DOCK1: variants seen among roughly 807,000 people sequenced by gnomAD.
DOCK1 encodes the protein dedicator of cytokinesis 1.
A neutral mutation model predicts 262.7 loss-of-function variants in DOCK1; 138 were observed. The observed-to-expected ratio is 0.53, with a 90% CI of 0.46 to 0.61. The LOEUF (loss-of-function observed/expected upper bound fraction) is 0.61. DOCK1 is among the 20% of genes least tolerant of loss of function. DOCK1 has a pLI of 0.00. For synonymous variants in DOCK1, 866 were observed against 867.4 expected (o/e 1.00, Z 0.03); for missense variants, 1,908 against 2,370.7 (o/e 0.80, Z 4.05).
At chr10:126,980,924 G>C (rs1305463479) in intron 3 of DOCK1, among the ~76,000 whole-genome samples, 1 of 150,892 alleles carries the variant, frequency 6.6e-6, no homozygotes, top group African/African-American at 2.4e-5. Context: ...TATTTTGCTT[G>C]CTCAGAAAGC....
intron 29 of DOCK1, among the ~76,000 whole-genome samples, chr10:127,261,503 G>C (rs2060114488): frequency 7.0e-6 from 1 of 142,796 alleles, no homozygotes; most frequent in Admixed American, 6.9e-5. Flanking sequence ...GTGTGTGCAT[G>C]TGGGTGTGTG....
chr10:127,079,839 G>A (rs1020397280), intron 23 of DOCK1, among the ~76,000 whole-genome samples: 1 of 152,182 alleles, frequency 6.6e-6, no homozygotes, highest in Non-Finnish European at 1.5e-5. Context: ...GCTGAGGCAG[G>A]AGAATTGCTT....
chr10:127,122,015 G>A (rs1208732185), intron 25 of DOCK1, among the ~76,000 whole-genome samples: 1 of 152,196 alleles, frequency 6.6e-6, no homozygotes, highest in African/African-American at 2.4e-5. Flanking sequence ...TTGCATATCA[G>A]CAAGGAGGAA....
chr10:127,222,460 G>A (rs1457746762), intron 27 of DOCK1, among the ~76,000 whole-genome samples: 2 of 152,120 alleles, frequency 1.3e-5, no homozygotes, highest in Non-Finnish European at 2.9e-5. Flanking sequence ...ATTAGTTTTT[G>A]AAATTGTAGT....
intron 35 of DOCK1, among the ~76,000 whole-genome samples, chr10:127,374,474 C>T (rs757479751): frequency 1.3e-5 from 2 of 152,188 alleles, no homozygotes; most frequent in Non-Finnish European, 2.9e-5. Flanking sequence ...CCGTATCTTG[C>T]AGCCAGGGTA....
intron 23 of DOCK1, among the ~76,000 whole-genome samples, chr10:127,075,028 G>C (rs1475892341): frequency 6.6e-6 from 1 of 151,946 alleles, no homozygotes; most frequent in Non-Finnish European, 1.5e-5. Context: ...AATTAGCTGG[G>C]CTTGGTGGTG....
intron 38 of DOCK1, among the ~76,000 whole-genome samples, chr10:127,387,304 C>T (rs548950011): frequency 6.6e-6 from 1 of 152,318 alleles, no homozygotes; most frequent in East Asian, 1.9e-4. Flanking sequence ...TGCTGCACTG[C>T]CTTGAGGACG....
intron 10 of DOCK1, 34 bp from the exon 11 acceptor site, chr10:127,008,698 G>A (rs1456094728): frequency 4.7e-5 from 72 of 1,542,140 alleles, no homozygotes; most frequent in Non-Finnish European, 5.6e-5. Flanking sequence ...TAGCATTTAA[G>A]CCAAAACAAT....
intron 28 of DOCK1, among the ~76,000 whole-genome samples, chr10:127,251,016 A>G (rs896142485): frequency 3.3e-5 from 5 of 151,852 alleles, no homozygotes; most frequent in Admixed American, 6.6e-5. Flanking sequence ...AGGCTGGAGT[A>G]CAATGGTGCA....
chr10:127,302,772 G>A (rs1047519534), intron 29 of DOCK1, among the ~76,000 whole-genome samples: 3 of 151,142 alleles, frequency 2.0e-5, no homozygotes, highest in African/African-American at 7.3e-5. Flanking sequence ...GTGTGTGTGT[G>A]TGTGTGTGTG....
chr10:127,294,170 T>C (rs1393059628), intron 29 of DOCK1, among the ~76,000 whole-genome samples: 1 of 152,204 alleles, frequency 6.6e-6, no homozygotes, highest in African/African-American at 2.4e-5. Flanking sequence ...ACTTGGGGTG[T>C]CCAGTTTAAG....
intron 33 of DOCK1, 56 bp from the exon 34 acceptor site, chr10:127,373,725 C>A (rs2065336071): frequency 6.8e-7 from 1 of 1,473,586 alleles, no homozygotes; most frequent in Non-Finnish European, 9.3e-7. Flanking sequence ...ACACTCAAGT[C>A]ATAAAATGAA....
intron 27 of DOCK1, among the ~76,000 whole-genome samples, chr10:127,180,616 G>A (rs562826372): frequency 4.6e-5 from 7 of 152,236 alleles, no homozygotes; most frequent in Middle Eastern, 3.4e-3. Flanking sequence ...GATTAGTGAC[G>A]GAGAACCATC....
Position 126,998,082 on chromosome 10 carries a change from C to T in DOCK1, c.610-10C>T. The stretch of plus-strand genomic sequence containing the variant: ...GCTGGGGTTGACTTTCTGTTTCCTT[C>T]CATACACAGTCTCAAAAGCAGAACA... On this transcript the variant is annotated splice_polypyrimidine_tract_variant and intron_variant, in intron 7 of 51. Transcript: ENST00000623213. 6.2e-7 allele frequency: 1 copy of T among 1,613,848 alleles called. No individual in the cohort carries two copies. Among genetic ancestry groups the T allele is most frequent in the Non-Finnish European group, 8.5e-7 (1 of 1,179,804 alleles).
intron 29 of DOCK1, among the ~76,000 whole-genome samples, chr10:127,294,986 A>G (rs1239785221): frequency 6.6e-6 from 1 of 152,124 alleles, no homozygotes; most frequent in Non-Finnish European, 1.5e-5. Flanking sequence ...TAGAATTATT[A>G]TGGGGATTCA....
Position 127,106,312 on chromosome 10 carries a change from A to G in DOCK1, c.2516+11A>G, listed in dbSNP as rs2048527332. On this transcript the variant is annotated intron_variant, in intron 24 of 51. Coordinates refer to ENST00000623213, the MANE Select transcript of DOCK1 (RefSeq NM_001290223.2). The stretch of plus-strand genomic sequence containing the variant: ...TCCCAAAGAGCTCAGGTAAGTATGC[A>G]GCCCAGGCGAATGCTTGTCACGTGC... 6.3e-7 allele frequency: 1 copy of G among 1,590,208 alleles called. No individual in the cohort carries two copies. The highest frequency in any genetic ancestry group is 2.3e-5 in the East Asian group (1 of 44,322).
At chr10:127,212,090 G>A (rs1292386487) in intron 27 of DOCK1, among the ~76,000 whole-genome samples, 1 of 152,110 alleles carries the variant, frequency 6.6e-6, no homozygotes, top group Non-Finnish European at 1.5e-5. Flanking sequence ...ATCACAAGTG[G>A]GTGTGTCATT....
At chr10:127,125,805 A>C (rs2049915292) in intron 26 of DOCK1, among the ~76,000 whole-genome samples, 1 of 152,082 alleles carries the variant, frequency 6.6e-6, no homozygotes, top group Non-Finnish European at 1.5e-5. Flanking sequence ...TTGCATTGAA[A>C]ATTGTTCTTT....
chr10:127,044,937 C>A (rs1163157678), intron 21 of DOCK1, among the ~76,000 whole-genome samples: 3 of 152,120 alleles, frequency 2.0e-5, no homozygotes. Flanking sequence ...TGGCTCACAC[C>A]TGTAATCCCA....
Sources: allele counts gnomAD v4.1 joint callset (sites outside exome capture counted in the v4.1 genomes callset), GRCh38; gene constraint gnomAD v4.1.1; transcripts MANE v1.5; gene names NCBI Gene and HGNC (gene_info 2026-07-23, HGNC 2026-07-21).